The following TMEM91 variants were observed in gnomAD, a reference collection of about 807,000 sequenced individuals.
The protein encoded by TMEM91 is dispanin subfamily C member 3.
In TMEM91, 6 loss-of-function variants were observed where a neutral mutation model predicts 13.3. The ratio of observed to expected loss-of-function variants is 0.45; its 90% confidence interval spans 0.25 to 0.89. TMEM91 has a LOEUF of 0.89. TMEM91 is among the 40% of genes least tolerant of loss of function. TMEM91 has a pLI of 0.19. For synonymous variants in TMEM91, 87 were observed against 101.7 expected, an observed-to-expected ratio of 0.86 and a Z score of 0.87; for missense variants, 193 against 228.7, an observed-to-expected ratio of 0.84 and a Z score of 1.01.
upstream of TMEM91, among the ~76,000 whole-genome samples, chr19:41,374,773 C>T (rs1175877135): frequency 6.6e-6 from 1 of 152,010 alleles, no homozygotes; most frequent in East Asian, 1.9e-4. Context: ...CACCTGAGGT[C>T]GGGAGTTCAA....
chr19:41,375,297 T>TTTTTTTC (rs869066634), upstream of TMEM91, among the ~76,000 whole-genome samples: 143 of 113,366 alleles, frequency 1.3e-3, 5 homozygotes, highest in Non-Finnish European at 2.1e-3. Context: ...TTTTTTTTTT[T>TTTTTTTC]TGAGACGGAG....
At chr19:41,371,311 C>CTCCTTCCTTCCTTCCTTCCT (rs34140170) in intron 1 of TMEM91, among the ~76,000 whole-genome samples, 20 of 111,980 alleles carry the variant, frequency 1.8e-4, no homozygotes, top group African/African-American at 4.3e-4. Flanking sequence ...CCACTATCCT[C>CTCCTTCCTTCCTTCCTTCCT]TCCTTCCTTC....
chr19:41,368,465 G>A (rs146090851), intron 1 of TMEM91, among the ~76,000 whole-genome samples: 2 of 150,566 alleles, frequency 1.3e-5, no homozygotes, highest in Non-Finnish European at 3.0e-5. Context: ...ACAGAGTCTC[G>A]TTCTGTGGGC....
upstream of TMEM91, among the ~76,000 whole-genome samples, chr19:41,375,693 C>T (rs2038703731): frequency 6.6e-6 from 1 of 151,904 alleles, no homozygotes; most frequent in African/African-American, 2.4e-5. Context: ...GTGACTCACA[C>T]CTGTAATCCC....
At chr19:41,383,565 C>T (rs1381538686) in intron 3 of TMEM91, 150 bp from the exon 4 acceptor site, 12 of 1,611,250 alleles carry the variant, frequency 7.4e-6, no homozygotes, top group Non-Finnish European at 9.3e-6. Flanking sequence ...ACTCAGCATC[C>T]CCAGTGCCTG....
chr19:41,382,397 G>A (rs2038908182), intron 2 of TMEM91, among the ~76,000 whole-genome samples: 1 of 152,028 alleles, frequency 6.6e-6, no homozygotes, highest in African/African-American at 2.4e-5. Context: ...GCCAAGACGG[G>A]TGGATCACCT....
Position 41,383,915 on chromosome 19 carries a change from C to G in TMEM91, c.*42C>G, listed in dbSNP as rs536286607. The stretch of plus-strand genomic sequence containing the variant: ...CACTGTGAACCCTGAGGCCGGCAGC[C>G]CAGCAAATCTGTGGGCAGAGAGTGG... On this transcript the variant is annotated 3_prime_UTR_variant, in exon 4 of 4. Transcript: ENST00000392002. 5.5e-4 allele frequency: 861 copies of G among 1,577,672 alleles called. 21 individuals carry two copies. The South Asian group carries it at 9.4e-3, about 17-fold the overall frequency.
At chr19:41,369,290 G>C (rs2038576014) in intron 1 of TMEM91, among the ~76,000 whole-genome samples, 1 of 152,046 alleles carries the variant, frequency 6.6e-6, no homozygotes, top group Non-Finnish European at 1.5e-5. Flanking sequence ...TGATTCTCCT[G>C]CCTCAGCCTC....
rs1297750508 is a variant in TMEM91, at chr19:41,376,718, G to C, written c.-166G>C. ...GTCGCCCCGCCCCGTCCCCGCCCCCGCGCGCAGCGGGCCCGGGGCGCTGAG... is the reference window on the plus strand; with the variant it reads ...GTCGCCCCGCCCCGTCCCCGCCCCCCCGCGCAGCGGGCCCGGGGCGCTGAG... On this transcript the variant is annotated 5_prime_UTR_variant, in exon 1 of 4. Coordinates refer to ENST00000392002, the MANE Select transcript of TMEM91 (RefSeq NM_001098821.2). The C allele has an allele frequency of 1.3e-5, 2 of 152,238 alleles. No individual in the cohort carries two copies. The highest frequency in any genetic ancestry group is 1.5e-5 in the Non-Finnish European group (1 of 68,058). The allele number at this position is 152,238 out of a possible 1,614,324, so 9.4% of individuals were successfully genotyped here.
rs1452753292 is a variant in TMEM91 at position 41,384,036 on chromosome 19, C to A, written c.*163C>A. The A allele has an allele frequency of 1.3e-5, 16 of 1,273,238 alleles. 1 individual carries two copies. The Admixed American group carries it at 4.4e-4, about 35-fold the overall frequency. The allele number at this position is 1,273,238 out of a possible 1,614,324, so 78.9% of individuals were successfully genotyped here. A position where few individuals can be genotyped will look rare whatever the true frequency, so the allele number is the denominator to read the frequency against. On this transcript the variant is annotated 3_prime_UTR_variant, in exon 4 of 4. Transcript: ENST00000392002. ...CTTCCCCTTCCTGGCCACCGCTCTTCGGGCGGCAGCAACCTGAGATTAAAC... is the reference window on the plus strand; with the variant it reads ...CTTCCCCTTCCTGGCCACCGCTCTTAGGGCGGCAGCAACCTGAGATTAAAC...
chr19:41,369,175 TTTG>T (rs1038760359), intron 1 of TMEM91, among the ~76,000 whole-genome samples: 7 of 151,538 alleles, frequency 4.6e-5, no homozygotes, highest in East Asian at 2.0e-4. Flanking sequence ...CTACTTCATT[TTTG>T]TTGTTGTTGT....
intron 1 of TMEM91, among the ~76,000 whole-genome samples, chr19:41,369,153 C>T (rs771697023): frequency 6.6e-6 from 1 of 151,902 alleles, no homozygotes; most frequent in Admixed American, 6.6e-5. Context: ...GGCACACAGC[C>T]GGCGGTCCCG....
intron 1 of TMEM91, among the ~76,000 whole-genome samples, chr19:41,367,572 A>G (rs2038548307): frequency 6.6e-6 from 1 of 152,192 alleles, no homozygotes; most frequent in Non-Finnish European, 1.5e-5. Flanking sequence ...CGGAGGTTGC[A>G]GTGATCTGAG....
At chr19:41,365,059 TA>T (rs2038493346) in intron 1 of TMEM91, among the ~76,000 whole-genome samples, 1 of 151,334 alleles carries the variant, frequency 6.6e-6, no homozygotes, top group Non-Finnish European at 1.5e-5. Context: ...TTTTTTTTTT[TA>T]AGAGATGGAG....
At chr19:41,381,522 G>A (rs1418061478) in intron 2 of TMEM91, among the ~76,000 whole-genome samples, 1 of 151,950 alleles carries the variant, frequency 6.6e-6, no homozygotes, top group East Asian at 1.9e-4. Context: ...CACCACACCC[G>A]GCTAATTTTG....
At chr19:41,381,516 A>G (rs984953935) in intron 2 of TMEM91, among the ~76,000 whole-genome samples, 1 of 151,890 alleles carries the variant, frequency 6.6e-6, no homozygotes, top group Non-Finnish European at 1.5e-5. Flanking sequence ...GTGTGCCACC[A>G]CACCCGGCTA....
chr19:41,375,689 C>G (rs976741099), upstream of TMEM91, among the ~76,000 whole-genome samples: 1 of 151,884 alleles, frequency 6.6e-6, no homozygotes, highest in Non-Finnish European at 1.5e-5. Context: ...CGCGGTGACT[C>G]ACACCTGTAA....
Position 41,367,098 on chromosome 19 carries a change from G to A in TMEM91, c.-30+3003G>A, listed in dbSNP as rs142695188. 4.3e-3 allele frequency among the ~76,000 whole-genome samples: 654 copies of A among 152,100 alleles called. 5 individuals carry two copies. Among genetic ancestry groups the A allele is most frequent in the African/African-American group, 0.015 (628 of 41,504 alleles). ...AGCAGTTGCAGTGAGCCGAGATCACGCCACCGCACTTCAGCCTGGGCGACA... is the reference window on the plus strand; with the variant it reads ...AGCAGTTGCAGTGAGCCGAGATCACACCACCGCACTTCAGCCTGGGCGACA... On this transcript the variant is annotated intron_variant, in intron 1 of 3. Coordinates refer to the TMEM91 transcript ENST00000413014.
At chr19:41,370,695 G>A (rs988681899) in intron 1 of TMEM91, among the ~76,000 whole-genome samples, 4 of 151,588 alleles carry the variant, frequency 2.6e-5, no homozygotes, top group East Asian at 2.0e-4. Context: ...GTGAGCCACC[G>A]TGCCTGGCCA....
Sources: gnomAD v4.1 joint callset for allele counts (sites outside exome capture counted in the v4.1 genomes callset) on GRCh38, gnomAD v4.1.1 for gene constraint, MANE v1.5 for transcripts, NCBI Gene and HGNC (gene_info 2026-07-23, HGNC 2026-07-21) for gene names.